Variants in PTPRD observed in about 807,000 individuals in gnomAD.
PTPRD encodes receptor-type tyrosine-protein phosphatase delta.
A neutral mutation model predicts 214.5 loss-of-function variants in PTPRD; 34 were observed. The observed-to-expected ratio is 0.16, with a 90% CI of 0.12 to 0.21. The LOEUF is 0.21. Ranked by LOEUF, PTPRD falls within the 10% of genes least tolerant of loss-of-function variation. PTPRD has a pLI of 1.00. For synonymous variants in PTPRD, 1,128 were observed against 845.7 expected (o/e 1.33, Z -5.79); for missense variants, 2,545 against 2,398.7 (o/e 1.06, Z -1.27).
chr9:10,008,692 T>G (rs907571856), intron 4 of PTPRD, among the ~76,000 whole-genome samples: 8 of 151,908 alleles, frequency 5.3e-5, no homozygotes, highest in Non-Finnish European at 1.0e-4. Flanking sequence ...AGCTTCCCAG[T>G]CTGCAGGATG....
chr9:9,081,232 C>T (rs1013076402), intron 10 of PTPRD, among the ~76,000 whole-genome samples: 1 of 152,052 alleles, frequency 6.6e-6, no homozygotes, highest in Non-Finnish European at 1.5e-5. Context: ...TTATTTATTT[C>T]TGCCTTAATT....
intron 9 of PTPRD, among the ~76,000 whole-genome samples, chr9:9,279,854 A>C (rs1348599115): frequency 6.6e-6 from 1 of 151,214 alleles, no homozygotes; most frequent in East Asian, 2.0e-4. Flanking sequence ...ATACTTATAC[A>C]TTCAGTATAA....
chr9:8,921,414 C>A (rs1401452461), intron 11 of PTPRD, among the ~76,000 whole-genome samples: 1 of 152,140 alleles, frequency 6.6e-6, no homozygotes, highest in Non-Finnish European at 1.5e-5. Context: ...GGCTAATTCC[C>A]AGTACCAGTT....
chr9:9,653,281 G>T (rs1483313647), intron 7 of PTPRD, among the ~76,000 whole-genome samples: 1 of 138,296 alleles, frequency 7.2e-6, no homozygotes, highest in Admixed American at 7.6e-5. Flanking sequence ...AGCGGAGCTT[G>T]CAGTGAGCCG....
chr9:9,134,589 T>C (rs1024832102), intron 10 of PTPRD, among the ~76,000 whole-genome samples: 1 of 152,150 alleles, frequency 6.6e-6, no homozygotes, highest in Admixed American at 6.5e-5. Context: ...TTTTCCAAAT[T>C]ATCGAGAGTA....
intron 11 of PTPRD, among the ~76,000 whole-genome samples, chr9:8,901,038 A>G (rs1750378970): frequency 6.6e-6 from 1 of 152,172 alleles, no homozygotes; most frequent in South Asian, 2.1e-4. Context: ...GATATAGAAA[A>G]AAGGAGGAAA....
chr9:8,820,651 G>A (rs1344018693), intron 11 of PTPRD, among the ~76,000 whole-genome samples: 1 of 151,708 alleles, frequency 6.6e-6, no homozygotes, highest in African/African-American at 2.4e-5. Flanking sequence ...TTTCTGGCAT[G>A]GTAATATTTT....
At chr9:10,097,034 G>C (rs1189099258) in intron 3 of PTPRD, among the ~76,000 whole-genome samples, 1 of 151,954 alleles carries the variant, frequency 6.6e-6, no homozygotes, top group East Asian at 1.9e-4. Context: ...GTTTGTCAAA[G>C]ATCAGATAGT....
At chr9:9,757,757 A>G (rs916921707) in intron 6 of PTPRD, among the ~76,000 whole-genome samples, 31 of 152,186 alleles carry the variant, frequency 2.0e-4, no homozygotes, top group African/African-American at 7.0e-4. Flanking sequence ...CCTATCTTAT[A>G]AAATCTTCAT....
At chr9:9,190,920 A>G (rs1258608410) in intron 9 of PTPRD, among the ~76,000 whole-genome samples, 1 of 152,090 alleles carries the variant, frequency 6.6e-6, no homozygotes, top group Non-Finnish European at 1.5e-5. Context: ...TTCTGCAGTG[A>G]GAGAAGGCTG....
chr9:9,368,479 T>C (rs2058502799), intron 9 of PTPRD, among the ~76,000 whole-genome samples: 1 of 152,008 alleles, frequency 6.6e-6, no homozygotes. Flanking sequence ...AGCCATTTAC[T>C]GTAGCAGTGA....
intron 2 of PTPRD, among the ~76,000 whole-genome samples, chr9:10,392,135 C>A (rs1244581964): frequency 6.6e-6 from 1 of 151,832 alleles, no homozygotes; most frequent in Non-Finnish European, 1.5e-5. Flanking sequence ...AATGTAAATT[C>A]AATGAGGCCC....
chr9:10,579,816 T>C (rs751438258), intron 2 of PTPRD, among the ~76,000 whole-genome samples: 4 of 152,192 alleles, frequency 2.6e-5, no homozygotes, highest in Non-Finnish European at 5.9e-5. Flanking sequence ...TGGTGTGAGA[T>C]AATTCTCGTG....
chr9:8,935,085 A>T (rs1361604779), intron 11 of PTPRD, among the ~76,000 whole-genome samples: 3 of 152,118 alleles, frequency 2.0e-5, no homozygotes, highest in Admixed American at 6.5e-5. Context: ...ACACAGACTG[A>T]TTTCATATAT....
intron 2 of PTPRD, among the ~76,000 whole-genome samples, chr9:10,542,309 G>A (rs1019776016): frequency 2.0e-5 from 3 of 152,002 alleles, no homozygotes; most frequent in Non-Finnish European, 4.4e-5. Context: ...TTGAAAGATG[G>A]TATTCTACTT....
chr9:9,395,688 C>T (rs766300060), intron 9 of PTPRD, among the ~76,000 whole-genome samples: 7 of 152,014 alleles, frequency 4.6e-5, no homozygotes, highest in Non-Finnish European at 8.8e-5. Flanking sequence ...GGCATCTACC[C>T]CCTTTTCTCA....
At chr9:8,921,391 T>C (rs2098826865) in intron 11 of PTPRD, among the ~76,000 whole-genome samples, 1 of 152,306 alleles carries the variant, frequency 6.6e-6, no homozygotes, top group African/African-American at 2.4e-5. Context: ...TCAGACTCAC[T>C]TGGGAGGCTA....
intron 9 of PTPRD, among the ~76,000 whole-genome samples, chr9:9,346,119 A>G (rs948963379): frequency 6.6e-6 from 1 of 152,144 alleles, no homozygotes; most frequent in Non-Finnish European, 1.5e-5. Flanking sequence ...TAAATAGAAG[A>G]CAAATTCCTT....
intron 2 of PTPRD, among the ~76,000 whole-genome samples, chr9:10,422,177 G>A (rs560803596): frequency 1.1e-4 from 17 of 151,830 alleles, no homozygotes; most frequent in East Asian, 3.9e-4. Flanking sequence ...CCATCTGATC[G>A]TTGACAAACC....
Sources: allele counts gnomAD v4.1 joint callset (sites outside exome capture counted in the v4.1 genomes callset), GRCh38; gene constraint gnomAD v4.1.1; transcripts MANE v1.5; gene names NCBI Gene and HGNC (gene_info 2026-07-23, HGNC 2026-07-21).